CETP: variants seen among roughly 807,000 people sequenced by gnomAD.
CETP encodes BPI fold containing family F.
Under a neutral mutation model 66.5 loss-of-function variants are expected in CETP, and 56 were observed. That is an observed-to-expected ratio of 0.84 (90% CI 0.68 to 1.05). CETP has a LOEUF of 1.05. Ranked by LOEUF, CETP falls within the 50% of genes least tolerant of loss-of-function variation. The pLI is 0.00. For missense variants in CETP, 612 were observed against 609.6 expected (o/e 1.00, Z -0.04); for synonymous variants, 251 against 245.7 (o/e 1.02, Z -0.20).
chr16:56,972,346 G>T (rs1201909367), intron 8 of CETP, among the ~76,000 whole-genome samples: 2 of 151,872 alleles, frequency 1.3e-5, no homozygotes, highest in Non-Finnish European at 2.9e-5. Flanking sequence ...TTCCTAGAGG[G>T]CTTATTCGGC....
chr16:56,976,996 C>T (rs1169674433), intron 10 of CETP, among the ~76,000 whole-genome samples: 1 of 152,140 alleles, frequency 6.6e-6, no homozygotes. Context: ...GCAACCTACG[C>T]CTCCTGTGTT....
At chr16:56,963,496 G>A (rs1351625411) in intron 2 of CETP, among the ~76,000 whole-genome samples, 1 of 152,124 alleles carries the variant, frequency 6.6e-6, no homozygotes, top group Non-Finnish European at 1.5e-5. Context: ...AGTACAGACA[G>A]GTCTTGCTAT....
At chr16:56,967,358 A>G (rs2056074865) in intron 2 of CETP, among the ~76,000 whole-genome samples, 1 of 136,958 alleles carries the variant, frequency 7.3e-6, no homozygotes, top group South Asian at 2.5e-4. Flanking sequence ...AAACAAACAA[A>G]CAAACAAAAA....
chr16:56,969,301 C>A (rs2056090386), intron 2 of CETP, 85 bp from the exon 3 acceptor site: 8 of 1,574,956 alleles, frequency 5.1e-6, no homozygotes, highest in Non-Finnish European at 5.2e-6. Flanking sequence ...CTATCTTCCA[C>A]CCTCGCCTAG....
chr16:56,970,055 T>A, intron 5 of CETP, 54 bp downstream of exon 5: 1 of 1,550,156 alleles, frequency 6.5e-7, no homozygotes, highest in Non-Finnish European at 8.8e-7. Flanking sequence ...CCTGTTAGTG[T>A]GTCCACGGCT....
At chr16:56,971,869 G>T in intron 7 of CETP, 123 bp from the exon 8 acceptor site, 3 of 850,332 alleles carry the variant, frequency 3.5e-6, no homozygotes, top group Non-Finnish European at 6.1e-6. Flanking sequence ...GCACACCCAG[G>T]TCCCACTTTA....
rs2056091623 is a variant in CETP at position 56,969,419 on chromosome 16, C to G, written c.267C>G (p.Ser89Arg). 1.9e-6 allele frequency: 3 copies of G among 1,614,156 alleles called. No homozygotes were observed. Among genetic ancestry groups the G allele is most frequent in the Non-Finnish European group, 2.5e-6 (3 of 1,180,032 alleles). The change falls in exon 3 of 16, where the codon AGC (serine) becomes AGG (arginine). Residue 89 changes from serine (S) to arginine (R), a missense_variant. Transcript: ENST00000200676. ...IQISHLSIASSQVELVEAKSI... is the reference protein window; with the variant it reads ...IQISHLSIASRQVELVEAKSI... The stretch of plus-strand genomic sequence containing the variant: ...TCAGCCACTTGTCCATCGCCAGCAG[C>G]CAGGTGGAGCTGGTGGAAGCCAAGT...
intron 6 of CETP, 95 bp from the exon 7 acceptor site, chr16:56,971,226 C>A: frequency 6.6e-7 from 1 of 1,521,096 alleles, no homozygotes; most frequent in Non-Finnish European, 9.1e-7. Flanking sequence ...GTCCCCTGTG[C>A]CGGTCCCCAG....
intron 10 of CETP, among the ~76,000 whole-genome samples, chr16:56,975,809 G>C (rs990248278): frequency 4.6e-5 from 7 of 151,658 alleles, no homozygotes; most frequent in Non-Finnish European, 8.8e-5. Flanking sequence ...GCCCCCTCCT[G>C]TCTACCTTCC....
In CETP at chr16:56,983,818, C is replaced by A; in HGVS notation, c.*152C>A. 1 of 747,034 alleles carries A rather than the reference C, an allele frequency of 1.3e-6. No homozygotes were observed. The highest frequency in any genetic ancestry group is 2.6e-5 in the East Asian group (1 of 37,850). The allele number at this position is 747,034 out of a possible 1,614,324, so 46.3% of individuals were successfully genotyped here. A position where few individuals can be genotyped will look rare whatever the true frequency, so the allele number is the denominator to read the frequency against. The stretch of plus-strand genomic sequence containing the variant: ...CCAACTCCTCCCTATCCTAAAGGCC[C>A]ACTGGCATTAAAGTGCTGTATCCAA... On this transcript the variant is annotated 3_prime_UTR_variant, in exon 16 of 16. Coordinates refer to ENST00000200676, the MANE Select transcript of CETP (RefSeq NM_000078.3).
chr16:56,963,412 A>C (rs2056040087), intron 2 of CETP, among the ~76,000 whole-genome samples: 1 of 150,868 alleles, frequency 6.6e-6, no homozygotes, highest in Non-Finnish European at 1.5e-5. Flanking sequence ...TTTCGGGGTG[A>C]ATGGGGGGTA....
Position 56,975,087 on chromosome 16 carries a change from T to A in CETP, c.931-14T>A. ...TTACTCCACCCACCCTCCAACTTCC[T>A]CATTTCTTTTCAGGCAGTGCTGGAG... On this transcript the variant is annotated splice_polypyrimidine_tract_variant and intron_variant, in intron 9 of 15. Coordinates refer to ENST00000200676, the MANE Select transcript of CETP (RefSeq NM_000078.3). The A allele has an allele frequency of 1.2e-6, 2 of 1,613,944 alleles. No individual in the cohort carries two copies.
chr16:56,970,079 AC>A, intron 5 of CETP, 78 bp downstream of exon 5: 1 of 1,378,344 alleles, frequency 7.3e-7, no homozygotes, highest in South Asian at 1.2e-5. Flanking sequence ...TCCAGGCTCA[AC>A]CCCACACAGG....
intron 10 of CETP, among the ~76,000 whole-genome samples, chr16:56,975,898 T>G (rs1248757006): frequency 1.3e-5 from 2 of 152,098 alleles, no homozygotes; most frequent in Non-Finnish European, 2.9e-5. Flanking sequence ...ACGTCGCTGC[T>G]CCCAGTCGCA....
chr16:56,983,697 T>C lies in CETP; in HGVS notation c.*31T>C. The stretch of plus-strand genomic sequence containing the variant: ...TCCAAGGAGGTCGGGATGGGGCTTG[T>C]AGCAGAAGGCAAGCACCAGGCTCAC... On this transcript the variant is annotated 3_prime_UTR_variant, in exon 16 of 16. Coordinates refer to ENST00000200676, the MANE Select transcript of CETP (RefSeq NM_000078.3). 1 of 1,598,146 alleles carries C rather than the reference T, an allele frequency of 6.3e-7. No individual in the cohort carries two copies. Among genetic ancestry groups the C allele is most frequent in the South Asian group, 1.1e-5 (1 of 90,750 alleles).
chr16:56,977,944 C>G (rs951071883), intron 10 of CETP, 147 bp from the exon 11 acceptor site: 26 of 850,660 alleles, frequency 3.1e-5, no homozygotes, highest in Admixed American at 2.2e-4. Context: ...ATTTGCACAG[C>G]CTGGGGCCTG....
chr16:56,974,320 A>G (rs1190593372), intron 9 of CETP, among the ~76,000 whole-genome samples: 1 of 152,238 alleles, frequency 6.6e-6, no homozygotes, highest in South Asian at 2.1e-4. Flanking sequence ...ACGGCGGTGC[A>G]TACCTATAGT....
At chr16:56,971,518 A>G (rs1460776278) in intron 7 of CETP, 137 bp downstream of exon 7, 1 of 835,302 alleles carries the variant, frequency 1.2e-6, no homozygotes, top group Non-Finnish European at 2.1e-6. Flanking sequence ...ACACTTGATG[A>G]TTAGTTATGA....
In CETP at chr16:56,969,549, T is replaced by C. The variant is rs12708971; in HGVS notation, c.368+29T>C. ...AGCATTCCTGTCAGCTGATGCCCCA[T>C]GCCCTGGCCCTCTCTGGGCTGGAGG... is the stretch of plus-strand genomic sequence containing the variant. On this transcript the variant is annotated intron_variant, in intron 3 of 15. Transcript: ENST00000200676. 1,512 of 1,614,230 alleles carry C rather than the reference T, an allele frequency of 9.4e-4. 16 individuals are homozygous for C. In the African/African-American group the frequency reaches 0.018, roughly 19 times the overall value.
Sources: allele counts gnomAD v4.1 joint callset (sites outside exome capture counted in the v4.1 genomes callset), GRCh38; gene constraint gnomAD v4.1.1; transcripts MANE v1.5; gene names NCBI Gene and HGNC (gene_info 2026-07-23, HGNC 2026-07-21).